KLKB1: variants seen among roughly 807,000 people sequenced by gnomAD.
The protein encoded by KLKB1 is kallikrein B1, also known as plasma kallikrein.
Under a neutral mutation model 73.6 loss-of-function variants are expected in KLKB1, and 58 were observed. The ratio of observed to expected loss-of-function variants is 0.79; its 90% CI spans 0.64 to 0.98. The LOEUF is 0.98. Ranked by LOEUF, KLKB1 falls within the 50% of genes least tolerant of loss-of-function variation. KLKB1 has a pLI of 0.00. For synonymous variants in KLKB1, 280 were observed against 258.1 expected (o/e 1.08, Z -0.81); for missense variants, 737 against 763.8 (o/e 0.96, Z 0.41).
chr4:186,254,065 T>C (rs1385167120), intron 11 of KLKB1, among the ~76,000 whole-genome samples: 2 of 152,192 alleles, frequency 1.3e-5, no homozygotes, highest in African/African-American at 2.4e-5. Flanking sequence ...ACTCCTGGCC[T>C]CAAGGGATCC....
At chr4:186,238,450 T>C in intron 6 of KLKB1, 85 bp downstream of exon 6, 1 of 914,234 alleles carries the variant, frequency 1.1e-6, no homozygotes. Flanking sequence ...CCCTGGGACC[T>C]GTGCGTGTGT....
chr4:186,257,697 G>A (rs561494822), intron 14 of KLKB1, among the ~76,000 whole-genome samples: 6 of 151,754 alleles, frequency 4.0e-5, no homozygotes, highest in South Asian at 2.1e-4. Context: ...AAGGGGATAC[G>A]AAAAATGCAG....
In KLKB1 at chr4:186,236,763, T is replaced by C; in HGVS notation, c.329-18T>C. 6.2e-7 allele frequency: 1 copy of C among 1,613,248 alleles called. No homozygotes were observed. The highest frequency in any genetic ancestry group is 8.5e-7 in the Non-Finnish European group (1 of 1,179,248). Reference sequence around the variant, plus strand: ...AAGAAAATGGACTGTATTTGCTCTATGTATTTTTCTTGTACAGCTTGCCAT... The same window carrying C: ...AAGAAAATGGACTGTATTTGCTCTACGTATTTTTCTTGTACAGCTTGCCAT... On this transcript the variant is annotated intron_variant, in intron 4 of 14. Coordinates refer to ENST00000264690, the MANE Select transcript of KLKB1 (RefSeq NM_000892.5).
At chr4:186,215,309 C>CCTTTCTTTCTCTTTCTTTCT (rs559273362) in intron 2 of KLKB1, among the ~76,000 whole-genome samples, 11 of 144,030 alleles carry the variant, frequency 7.6e-5, no homozygotes, top group Middle Eastern at 3.6e-3. Context: ...AGGAGAGTAG[C>CCTTTCTTTCTCTTTCTTTCT]CTTTCTTTCT....
At chr4:186,250,891 G>A (rs1738632444) in intron 7 of KLKB1, 1 of 372,902 alleles carries the variant, frequency 2.7e-6, no homozygotes. Flanking sequence ...AGGGTGTCTA[G>A]TTATGTAATA....
intron 13 of KLKB1, 139 bp from the exon 14 acceptor site, chr4:186,257,087 A>T (rs1739041620): frequency 2.1e-6 from 1 of 484,592 alleles, no homozygotes; most frequent in African/African-American, 2.0e-5. Context: ...TATGAAAAAT[A>T]CACTGCTCTG....
intron 2 of KLKB1, among the ~76,000 whole-genome samples, chr4:186,214,671 C>T (rs1561441938): frequency 6.6e-6 from 1 of 152,196 alleles, no homozygotes; most frequent in Non-Finnish European, 1.5e-5. Flanking sequence ...ACTTTCTGGA[C>T]TAATTAGTCA....
At position 186,238,304 on chromosome 4, in the gene KLKB1, A is replaced by G. The variant is rs1737810718; in HGVS notation, c.537A>G (p.Ile179Met). ...KYSPGGTPTA[I>M]KVLSNVESGF... ...GTCCCGGAGGAACACCTACCGCTAT[A>G]AAGGTGCTGAGTAACGTGGAATCTG... Residue 179 changes from isoleucine (I) to methionine (M), a missense_variant, in exon 6 of 15, where the codon ATA becomes ATG. Physicochemically the swap from Ile to Met is conservative, Grantham distance 10. Transcript: ENST00000264690. 6.2e-7 allele frequency: 1 copy of G among 1,613,896 alleles called. No homozygotes were observed.
chr4:186,249,901 CA>C (rs4253298), intron 6 of KLKB1, among the ~76,000 whole-genome samples: 1 of 151,816 alleles, frequency 6.6e-6, no homozygotes, highest in African/African-American at 2.4e-5. Flanking sequence ...GAAAATACAA[CA>C]AAAAAACCCT....
chr4:186,233,363 C>G (rs1737494892), intron 3 of KLKB1, among the ~76,000 whole-genome samples: 1 of 152,288 alleles, frequency 6.6e-6, no homozygotes, highest in Middle Eastern at 3.4e-3. Context: ...CATCTTCACT[C>G]TATGTGAGTT....
chr4:186,230,375 A>G, intron 2 of KLKB1, among the ~76,000 whole-genome samples: 1 of 152,220 alleles, frequency 6.6e-6, no homozygotes, highest in Middle Eastern at 3.4e-3. Context: ...CATATTTGTT[A>G]TCTAATTCTT....
intron 2 of KLKB1, among the ~76,000 whole-genome samples, chr4:186,229,173 C>A (rs1227438594): frequency 6.6e-6 from 1 of 152,178 alleles, no homozygotes; most frequent in African/African-American, 2.4e-5. Context: ...CACTGGGAAC[C>A]ACAGCCAACT....
intron 6 of KLKB1, among the ~76,000 whole-genome samples, chr4:186,238,896 AG>A: frequency 6.6e-6 from 1 of 150,850 alleles, no homozygotes; most frequent in Non-Finnish European, 1.5e-5. Flanking sequence ...ATACTGTTAG[AG>A]TTATAGGACA....
In KLKB1 at chr4:186,232,177, G is replaced by C; in HGVS notation, c.109G>C (p.Ala37Pro). 6.2e-7 allele frequency: 1 copy of C among 1,613,454 alleles called. No homozygotes were observed. Among genetic ancestry groups the C allele is most frequent in the South Asian group, 1.1e-5 (1 of 91,048 alleles). ...ENAFFRGGDV[A>P]SMYTPNAQYC... ...CGCCTTCTTCAGAGGTGGGGATGTA[G>C]CTTCCATGTACACCCCAAATGCCCA... The change falls in exon 3 of 15, where the codon GCT (alanine) becomes CCT (proline). Residue 37 changes from alanine to proline, a missense_variant. By Grantham distance (27) the Ala-to-Pro change is conservative. Coordinates refer to ENST00000264690, the MANE Select transcript of KLKB1 (RefSeq NM_000892.5).
At chr4:186,253,062 G>A (rs1401597758) in intron 11 of KLKB1, among the ~76,000 whole-genome samples, 1 of 152,150 alleles carries the variant, frequency 6.6e-6, no homozygotes, top group Non-Finnish European at 1.5e-5. Flanking sequence ...AGCTTTATTT[G>A]ATCTAAAATA....
intron 2 of KLKB1, among the ~76,000 whole-genome samples, chr4:186,215,508 T>G (rs1006027051): frequency 6.6e-6 from 1 of 152,004 alleles, no homozygotes; most frequent in African/African-American, 2.4e-5. Flanking sequence ...CTTGCGCAAG[T>G]CAAGCCCAAG....
At chr4:186,216,130 T>C (rs1014896182) in intron 2 of KLKB1, among the ~76,000 whole-genome samples, 3 of 152,372 alleles carry the variant, frequency 2.0e-5, no homozygotes, top group Non-Finnish European at 4.4e-5. Flanking sequence ...AGCTTACATG[T>C]GCGATTGTGA....
Position 186,252,143 on chromosome 4 carries a change from T to C in KLKB1, c.1271T>C (p.Ile424Thr), listed in dbSNP as rs1350917126. ...AGGCACCTGTGTGGAGGGTCACTCA[T>C]AGGACACCAGTGGGTCCTCACTGCT... The part of the protein sequence containing the change: ...AQRHLCGGSL[I>T]GHQWVLTAAH... Residue 424 changes from isoleucine (I) to threonine (T), a missense_variant, in exon 11 of 15, where the codon ATA becomes ACA. Ile to Thr is a moderately conservative substitution (Grantham distance 89). Transcript: ENST00000264690. 5 of 1,613,844 alleles carry C rather than the reference T, an allele frequency of 3.1e-6. No individual in the cohort carries two copies. In the African/African-American group the frequency reaches 4.0e-5, roughly 13 times the overall value.
At chr4:186,213,488 C>T (rs1414958764) in intron 2 of KLKB1, 1 of 152,210 alleles carries the variant, frequency 6.6e-6, no homozygotes, top group African/African-American at 2.4e-5. Flanking sequence ...CTTGGATTTT[C>T]TAACAAAAGG....
Sources: gnomAD v4.1 joint callset for allele counts (sites outside exome capture counted in the v4.1 genomes callset) on GRCh38, gnomAD v4.1.1 for gene constraint, MANE v1.5 for transcripts, NCBI Gene and HGNC (gene_info 2026-07-23, HGNC 2026-07-21) for gene names.